Variants in FSHR observed in about 807,000 individuals in gnomAD.
The protein encoded by FSHR is follicle-stimulating hormone receptor.
A neutral mutation model predicts 52.1 loss-of-function variants in FSHR; 46 were observed. That is an observed-to-expected ratio of 0.88 (90% CI 0.70 to 1.13). The LOEUF (loss-of-function observed/expected upper bound fraction) is 1.13. Among genes scored for constraint, FSHR ranks in the 50% most tolerant of loss-of-function variants. The pLI, the probability that FSHR is intolerant of heterozygous loss-of-function variation, is 0.00. For synonymous variants in FSHR, 399 were observed against 309.6 expected, an observed-to-expected ratio of 1.29 and a Z score of -3.03; for missense variants, 964 against 834.6, an observed-to-expected ratio of 1.16 and a Z score of -1.91.
intron 1 of FSHR, among the ~76,000 whole-genome samples, chr2:49,105,077 G>T (rs976273701): frequency 3.9e-5 from 6 of 152,146 alleles, no homozygotes; most frequent in Admixed American, 3.3e-4. Context: ...TCTGGACAGG[G>T]TGAGGGCAGG....
chr2:48,995,035 A>G (rs1334194030), intron 4 of FSHR, among the ~76,000 whole-genome samples: 2 of 152,150 alleles, frequency 1.3e-5, no homozygotes, highest in Non-Finnish European at 2.9e-5. Context: ...TAAACAGGTG[A>G]CCCTGAGGCT....
chr2:48,964,004 G>C, intron 9 of FSHR, 38 bp from the exon 10 acceptor site: 1 of 1,584,734 alleles, frequency 6.3e-7, no homozygotes, highest in East Asian at 2.2e-5. Context: ...CAACATCTCA[G>C]ATCCAGTATA....
At chr2:49,082,763 A>G (rs1670224578) in intron 1 of FSHR, among the ~76,000 whole-genome samples, 1 of 152,192 alleles carries the variant, frequency 6.6e-6, no homozygotes, top group Non-Finnish European at 1.5e-5. Context: ...AGATGAAATG[A>G]ATGAAATGAA....
chr2:49,076,572 C>T (rs1176310029), intron 1 of FSHR, among the ~76,000 whole-genome samples: 1 of 152,150 alleles, frequency 6.6e-6, no homozygotes, highest in East Asian at 1.9e-4. Context: ...CATGTCCTTA[C>T]ATTTGAAAAC....
In FSHR at chr2:49,127,819, T is replaced by C. The variant is rs1672085514; in HGVS notation, c.152+26447A>G. Among the ~76,000 whole-genome samples, 4 of 72,158 alleles carry C rather than the reference T, an allele frequency of 5.5e-5. 1 individual carries two copies. Among genetic ancestry groups the C allele is most frequent in the African/African-American group, 2.5e-4 (4 of 16,174 alleles). The allele number at this position is 72,158 out of a possible 152,430, so 47.3% of individuals were successfully genotyped here. On this transcript the variant is annotated intron_variant, in intron 1 of 9. Transcript: ENST00000406846. ...TTCTTCTTCTTCTTCTTCTTCTTCTTCTTCTTCTTCCTCTTCTTCTTCTTC... is the reference window on the plus strand; with the variant it reads ...TTCTTCTTCTTCTTCTTCTTCTTCTCCTTCTTCTTCCTCTTCTTCTTCTTC...
intron 1 of FSHR, among the ~76,000 whole-genome samples, chr2:49,144,641 A>G (rs1191122670): frequency 2.2e-5 from 3 of 137,962 alleles, no homozygotes; most frequent in Middle Eastern, 7.6e-3. Context: ...GTCCTCTCCA[A>G]TGTATTTACT....
intron 1 of FSHR, among the ~76,000 whole-genome samples, chr2:49,076,235 T>C (rs1669945315): frequency 6.6e-6 from 1 of 152,080 alleles, no homozygotes; most frequent in Non-Finnish European, 1.5e-5. Flanking sequence ...CTGGGCAAAT[T>C]ACAAAAGAAA....
At chr2:49,012,410 GT>G (rs1031392234) in intron 4 of FSHR, among the ~76,000 whole-genome samples, 1 of 151,446 alleles carries the variant, frequency 6.6e-6, no homozygotes, top group Non-Finnish European at 1.5e-5. Flanking sequence ...TTATTCATGA[GT>G]TTTTTTTTCC....
chr2:49,047,387 T>G (rs941005515), intron 2 of FSHR, among the ~76,000 whole-genome samples: 1 of 152,226 alleles, frequency 6.6e-6, no homozygotes, highest in Non-Finnish European at 1.5e-5. Context: ...ATCTGAGTTT[T>G]CCACCTGGTC....
chr2:49,009,481 T>G (rs1667193452), intron 4 of FSHR, among the ~76,000 whole-genome samples: 1 of 143,848 alleles, frequency 7.0e-6, no homozygotes, highest in African/African-American at 2.5e-5. Flanking sequence ...GCTTTGTTCT[T>G]TTGGCTTAGG....
chr2:49,003,253 C>G (rs1185655720), intron 4 of FSHR, among the ~76,000 whole-genome samples: 1 of 152,156 alleles, frequency 6.6e-6, no homozygotes, highest in African/African-American at 2.4e-5. Flanking sequence ...TCTACCCAAA[C>G]AAAAAGGTTC....
chr2:49,047,564 T>C (rs920365854), intron 2 of FSHR, among the ~76,000 whole-genome samples: 2 of 152,192 alleles, frequency 1.3e-5, no homozygotes, highest in African/African-American at 4.8e-5. Context: ...AAGCAGATGG[T>C]CCTTAAGCAT....
chr2:49,149,923 A>G (rs1310015094), intron 1 of FSHR, among the ~76,000 whole-genome samples: 1 of 152,086 alleles, frequency 6.6e-6, no homozygotes, highest in Non-Finnish European at 1.5e-5. Context: ...GGTTTCCTTA[A>G]GACAAGAATG....
intron 1 of FSHR, among the ~76,000 whole-genome samples, chr2:49,151,141 C>CTT (rs200436300): frequency 0.16 from 18,087 of 114,808 alleles, 1,402 homozygotes; most frequent in Middle Eastern, 0.25. Flanking sequence ...AAGGATTACT[C>CTT]TTTTTTTTTT....
intron 2 of FSHR, among the ~76,000 whole-genome samples, chr2:49,053,441 T>A (rs928516802): frequency 1.3e-5 from 2 of 152,174 alleles, no homozygotes; most frequent in Non-Finnish European, 2.9e-5. Context: ...CCCTATTCAA[T>A]GTAATCTTCA....
At chr2:48,968,049 C>G (rs77074532) in intron 9 of FSHR, among the ~76,000 whole-genome samples, 4,878 of 152,276 alleles carry the variant, frequency 0.032, 248 homozygotes, top group African/African-American at 0.11. Flanking sequence ...TCTCTTTACT[C>G]TTTCCAGATC....
At chr2:49,085,144 A>G (rs1484358127) in intron 1 of FSHR, among the ~76,000 whole-genome samples, 1 of 151,780 alleles carries the variant, frequency 6.6e-6, no homozygotes, top group Non-Finnish European at 1.5e-5. Flanking sequence ...AAGCTTATCC[A>G]CCATGATCAA....
chr2:48,994,844 C>T (rs1675951325), intron 4 of FSHR, among the ~76,000 whole-genome samples: 1 of 152,172 alleles, frequency 6.6e-6, no homozygotes, highest in African/African-American at 2.4e-5. Context: ...AGTTTTCCCT[C>T]TCTACAGCCA....
At chr2:49,085,644 G>T (rs986183332) in intron 1 of FSHR, among the ~76,000 whole-genome samples, 2 of 152,122 alleles carry the variant, frequency 1.3e-5, no homozygotes, top group African/African-American at 2.4e-5. Context: ...AAATCATGCT[G>T]CTATAAAGAC....
Sources: gnomAD v4.1 joint callset for allele counts (sites outside exome capture counted in the v4.1 genomes callset) on GRCh38, gnomAD v4.1.1 for gene constraint, MANE v1.5 for transcripts, NCBI Gene and HGNC (gene_info 2026-07-23, HGNC 2026-07-21) for gene names.